The following DNAH14 variants were observed in gnomAD, a reference collection of about 807,000 sequenced individuals.
The protein encoded by DNAH14 is axonemal beta dynein heavy chain 14.
Under a neutral mutation model 520.9 loss-of-function variants are expected in DNAH14, and 478 were observed. The ratio of observed to expected loss-of-function variants is 0.92; its 90% confidence interval spans 0.85 to 0.99. The LOEUF is 0.99. Among genes scored for constraint, DNAH14 ranks in the 50% least tolerant of loss-of-function variants. The pLI is 0.00. For missense variants in DNAH14, 4,831 were observed against 5,234.5 expected, an observed-to-expected ratio of 0.92 and a Z score of 2.38; for synonymous variants, 1,581 against 1,757.2, an observed-to-expected ratio of 0.90 and a Z score of 2.51.
rs751958237 is a variant in DNAH14 at position 225,377,478 on chromosome 1, G to T, written c.12716+42G>T. 1.2e-5 allele frequency: 18 copies of T among 1,509,386 alleles called. No homozygotes were observed. In the South Asian group the frequency reaches 2.1e-4, roughly 17 times the overall value. 93.5% of individuals were successfully genotyped at this position (1,509,386 alleles called of 1,614,324 possible). A position where few individuals can be genotyped will look rare whatever the true frequency, so the allele number is the denominator to read the frequency against. ...AAAAATTGTTGGTCAAAAATTATCA[G>T]GCTGGGTCTGGCAGCTCATGCCTGT... On this transcript the variant is annotated intron_variant, in intron 79 of 85. Coordinates refer to ENST00000682510, the MANE Select transcript of DNAH14 (RefSeq NM_001367479.1).
At chr1:224,943,539 T>C (rs1170745552) in intron 1 of DNAH14, among the ~76,000 whole-genome samples, 1 of 152,194 alleles carries the variant, frequency 6.6e-6, no homozygotes, top group Non-Finnish European at 1.5e-5. Flanking sequence ...TCTGCTAGCT[T>C]TTCAGTGTGT....
intron 54 of DNAH14, among the ~76,000 whole-genome samples, chr1:225,289,605 C>T (rs1260395173): frequency 6.6e-6 from 1 of 151,936 alleles, no homozygotes; most frequent in African/African-American, 2.4e-5. Context: ...ATAAGCCTAT[C>T]TGTGCTTTTT....
intron 41 of DNAH14, among the ~76,000 whole-genome samples, chr1:225,225,707 T>C (rs1417173195): frequency 1.3e-5 from 2 of 152,174 alleles, no homozygotes; most frequent in African/African-American, 2.4e-5. Flanking sequence ...CCTCAAAACA[T>C]AAAACTTGTG....
intron 35 of DNAH14, among the ~76,000 whole-genome samples, chr1:225,160,526 G>A (rs966783304): frequency 1.3e-5 from 2 of 152,030 alleles, no homozygotes; most frequent in African/African-American, 2.4e-5. Context: ...ATCTGGACCA[G>A]GAGTTATGAG....
intron 36 of DNAH14, among the ~76,000 whole-genome samples, chr1:225,170,069 TGA>T (rs1206007116): frequency 6.6e-6 from 1 of 152,108 alleles, no homozygotes; most frequent in Non-Finnish European, 1.5e-5. Flanking sequence ...AAGCAAATGC[TGA>T]GAGATTTTGT....
At position 225,167,802 on chromosome 1, in the gene DNAH14, G is replaced by A. The variant is rs553092347; in HGVS notation, c.5446-137G>A. The A allele has an allele frequency of 1.4e-3, 701 of 483,484 alleles. 14 individuals are homozygous for A. Among genetic ancestry groups the A allele is most frequent in the South Asian group, 0.012 (336 of 27,258 alleles). The allele number at this position is 483,484 out of a possible 1,614,324, so 29.9% of individuals were successfully genotyped here. Reference sequence around the variant, plus strand: ...GTTTTTACTATTCTCAGAGACAGAGGTTGGTGAACTAAAAAATCAAGAATT... The same window carrying A: ...GTTTTTACTATTCTCAGAGACAGAGATTGGTGAACTAAAAAATCAAGAATT... On this transcript the variant is annotated intron_variant, in intron 35 of 85. Transcript: ENST00000682510.
intron 55 of DNAH14, among the ~76,000 whole-genome samples, chr1:225,294,285 T>A (rs2093958398): frequency 6.6e-6 from 1 of 152,194 alleles, no homozygotes; most frequent in African/African-American, 2.4e-5. Context: ...CTGACATAAA[T>A]ACCAGTTGAT....
At chr1:224,956,295 T>C (rs1248724450) in intron 3 of DNAH14, among the ~76,000 whole-genome samples, 1 of 152,140 alleles carries the variant, frequency 6.6e-6, no homozygotes, top group African/African-American at 2.4e-5. Flanking sequence ...TTAGTAATAA[T>C]ATATAGTCAT....
In DNAH14 at chr1:225,051,731, TCATA is replaced by T; in HGVS notation, c.2365_2368del (p.His789Ter). 1.3e-6 allele frequency: 2 copies of T among 1,550,490 alleles called. No homozygotes were observed. The highest frequency in any genetic ancestry group is 1.7e-6 in the Non-Finnish European group (2 of 1,146,580). On this transcript the variant is annotated frameshift_variant, in exon 17 of 86. Transcript: ENST00000682510. LOFTEE classifies it high-confidence loss of function. ...GAATGCTTACTGTATATTGACAACG[TCATA>T]CATATGAGCCACACCCTCATACAAT... is the stretch of plus-strand genomic sequence containing the variant.
At position 225,289,929 on chromosome 1, in the gene DNAH14, C is replaced by T. The variant is rs2093828314; in HGVS notation, c.8316C>T (p.Ala2772=). ...GGAAAAAAACATGTGCAACCTTGGCCTGTTATTTGACAGATAATAAACTAT... is the reference window on the plus strand; with the variant it reads ...GGAAAAAAACATGTGCAACCTTGGCTTGTTATTTGACAGATAATAAACTAT... The part of the protein sequence containing the change: ...GCGKKTCATL[A]CYLTDNKLYR... Residue 2772 remains alanine, a synonymous_variant, in exon 55 of 86, where the codon GCC becomes GCT. Transcript: ENST00000682510. 3 of 1,492,336 alleles carry T rather than the reference C, an allele frequency of 2.0e-6. No individual in the cohort carries two copies. The highest frequency in any genetic ancestry group is 5.1e-5 in the East Asian group (2 of 39,592). 92.4% of individuals were successfully genotyped at this position (1,492,336 alleles called of 1,614,324 possible).
intron 8 of DNAH14, among the ~76,000 whole-genome samples, chr1:224,984,486 G>A (rs1349280093): frequency 6.6e-6 from 1 of 152,096 alleles, no homozygotes; most frequent in Non-Finnish European, 1.5e-5. Flanking sequence ...GCTTAGGCAA[G>A]GATTTCATGA....
intron 8 of DNAH14, among the ~76,000 whole-genome samples, chr1:224,998,390 C>T (rs577403657): frequency 2.2e-4 from 33 of 152,132 alleles, no homozygotes; most frequent in African/African-American, 7.7e-4. Flanking sequence ...CGCAATGCCT[C>T]TTTAATGTAA....
Position 225,051,527 on chromosome 1 carries a change from G to C in DNAH14, c.2156G>C (p.Cys719Ser). ...TACAGCCACAAGTTTATAAAGTATT[G>C]TACCATGACAGAAAAGGCCAAAATC... ...NAYSHKFIKY[C>S]TMTEKAKIMS... Residue 719 changes from cysteine to serine, a missense_variant, in exon 17 of 86, where the codon TGT becomes TCT. Cys to Ser is a moderately radical substitution (Grantham distance 112). Transcript: ENST00000682510. 6.4e-7 allele frequency: 1 copy of C among 1,550,804 alleles called. No individual in the cohort carries two copies. Among genetic ancestry groups the C allele is most frequent in the Non-Finnish European group, 8.7e-7 (1 of 1,146,628 alleles).
intron 80 of DNAH14, 49 bp from the exon 81 acceptor site, chr1:225,381,332 CCT>C: frequency 6.7e-7 from 1 of 1,491,980 alleles, no homozygotes; most frequent in Non-Finnish European, 9.0e-7. Context: ...CCATGTAAAG[CCT>C]CTTTTTAATC....
chr1:224,933,441 C>T (rs995136446), intron 1 of DNAH14, among the ~76,000 whole-genome samples: 4 of 152,046 alleles, frequency 2.6e-5, no homozygotes, highest in Non-Finnish European at 2.9e-5. Context: ...CCTGAATGTT[C>T]TGGCTAGGAC....
At chr1:225,200,789 C>A (rs974582140) in intron 38 of DNAH14, among the ~76,000 whole-genome samples, 2 of 152,054 alleles carry the variant, frequency 1.3e-5, no homozygotes, top group Admixed American at 6.6e-5. Context: ...CTCTTAAGAT[C>A]CTTTCCTTTG....
chr1:225,391,515 C>A (rs1434422029), intron 83 of DNAH14, among the ~76,000 whole-genome samples: 1 of 151,964 alleles, frequency 6.6e-6, no homozygotes, highest in African/African-American at 2.4e-5. Context: ...ATTCTCCAGG[C>A]AAGAGCTGCT....
intron 35 of DNAH14, among the ~76,000 whole-genome samples, chr1:225,166,466 G>A (rs531543772): frequency 6.6e-5 from 10 of 152,184 alleles, no homozygotes; most frequent in South Asian, 2.1e-4. Context: ...CACAAAGATC[G>A]TAATTTAAAA....
intron 13 of DNAH14, among the ~76,000 whole-genome samples, chr1:225,043,362 G>A (rs1009489686): frequency 6.6e-6 from 1 of 151,080 alleles, no homozygotes; most frequent in Non-Finnish European, 1.5e-5. Context: ...ATAGTCTGTT[G>A]TGTCTTCTAA....
Sources: gnomAD v4.1 joint callset for allele counts (sites outside exome capture counted in the v4.1 genomes callset) on GRCh38, gnomAD v4.1.1 for gene constraint, MANE v1.5 for transcripts, NCBI Gene and HGNC (gene_info 2026-07-23, HGNC 2026-07-21) for gene names.